Variants in PRKCH observed in about 807,000 individuals in gnomAD.
PRKCH encodes the protein protein kinase C eta.
PRKCH carries 28 observed loss-of-function variants against 82.5 expected under a neutral mutation model. The observed-to-expected ratio is 0.34, with a 90% confidence interval of 0.25 to 0.47. The LOEUF (loss-of-function observed/expected upper bound fraction) is 0.47. Ranked by LOEUF, PRKCH falls within the 20% of genes least tolerant of loss-of-function variation. The pLI, the probability that PRKCH is intolerant of heterozygous loss-of-function variation, is 1.00. For missense variants in PRKCH, 705 were observed against 881.8 expected, an observed-to-expected ratio of 0.80 and a Z score of 2.54; for synonymous variants, 322 against 327.4, an observed-to-expected ratio of 0.98 and a Z score of 0.18.
chr14:61,305,120 T>A (rs2045477018), intron 1 of PRKCH: 1 of 152,106 alleles, frequency 6.6e-6, no homozygotes, highest in African/African-American at 2.4e-5. Context: ...AATTAGAGAA[T>A]TTTTTTAAAA....
intron 10 of PRKCH, among the ~76,000 whole-genome samples, chr14:61,508,618 G>A (rs1381764143): frequency 1.3e-5 from 2 of 152,136 alleles, no homozygotes; most frequent in Admixed American, 1.3e-4. Flanking sequence ...AAAGCAGTCA[G>A]TCTACCCCTC....
At position 61,529,093 on chromosome 14, in the gene PRKCH, T is replaced by C; in HGVS notation, c.1452T>C (p.Asn484=). The C allele has an allele frequency of 1.9e-6, 3 of 1,612,904 alleles. No homozygotes were observed. The highest frequency in any genetic ancestry group is 2.2e-5 in the East Asian group (1 of 44,802). Residue 484 remains asparagine, a synonymous_variant, in exon 11 of 14, where the codon AAT becomes AAC. Coordinates refer to ENST00000332981, the MANE Select transcript of PRKCH (RefSeq NM_006255.5). ...CTTTCAGAGATCTGAAACTGGACAA[T>C]GTCCTGTTGGACCACGAGGGTCACT... The part of the protein sequence containing the change: ...GIIYRDLKLD[N]VLLDHEGHCK...
chr14:61,280,134 G>T lies in PRKCH; in HGVS notation c.-19+92466G>T. Reference sequence around the variant, plus strand: ...CGTCCTGGTCCTGGTAGCGAATGTAGACGACCAGCATGACAAAGCCGGTGA... The same window carrying T: ...CGTCCTGGTCCTGGTAGCGAATGTATACGACCAGCATGACAAAGCCGGTGA... On this transcript the variant is annotated intron_variant, in intron 1 of 3. Transcript: ENST00000555185. The surrounding 1 kb of genome is among the most constrained non-coding windows in gnomAD (Gnocchi z 5.0). 6.2e-7 allele frequency: 1 copy of T among 1,613,938 alleles called. No individual in the cohort carries two copies. The highest frequency in any genetic ancestry group is 8.5e-7 in the Non-Finnish European group (1 of 1,179,900).
At position 61,525,976 on chromosome 14, in the gene PRKCH, G is replaced by A. The variant is rs770203794; in HGVS notation, c.1434-3099G>A. 3.9e-5 allele frequency among the ~76,000 whole-genome samples: 6 copies of A among 152,226 alleles called. No homozygotes were observed. The South Asian group carries it at 6.2e-4, about 16-fold the overall frequency. The stretch of plus-strand genomic sequence containing the variant: ...CCAGGCGCCTCTCTACTGTGTGCCC[G>A]CAGTCCCAGAGGAGCCAGGCACCCA... On this transcript the variant is annotated intron_variant, in intron 10 of 13. Coordinates refer to ENST00000332981, the MANE Select transcript of PRKCH (RefSeq NM_006255.5).
At chr14:61,432,323 A>G (rs1041012070) in intron 2 of PRKCH, among the ~76,000 whole-genome samples, 2 of 152,110 alleles carry the variant, frequency 1.3e-5, no homozygotes, top group Admixed American at 1.3e-4. Context: ...TTACATGTTT[A>G]TAATTTTTTA....
chr14:61,432,043 G>A (rs1355852043), intron 2 of PRKCH, among the ~76,000 whole-genome samples: 1 of 145,300 alleles, frequency 6.9e-6, no homozygotes, highest in Admixed American at 6.9e-5. Flanking sequence ...ACCTCTATTG[G>A]TTTGGAAGAT....
At chr14:61,510,070 C>T (rs1887311090) in intron 10 of PRKCH, among the ~76,000 whole-genome samples, 3 of 152,014 alleles carry the variant, frequency 2.0e-5, no homozygotes, top group Admixed American at 6.6e-5. Context: ...GGGACAGAGG[C>T]GTGGAGGCAG....
At chr14:61,539,523 G>A (rs1200181148) in intron 12 of PRKCH, among the ~76,000 whole-genome samples, 1 of 152,074 alleles carries the variant, frequency 6.6e-6, no homozygotes, top group Non-Finnish European at 1.5e-5. Context: ...GCCAGGTAAG[G>A]CACTGACCCA....
intron 9 of PRKCH, among the ~76,000 whole-genome samples, chr14:61,465,491 T>C (rs1425591778): frequency 1.3e-5 from 2 of 152,236 alleles, no homozygotes; most frequent in South Asian, 2.1e-4. Flanking sequence ...GTCCTTTCTT[T>C]GTTGTGTGTC....
chr14:61,370,487 G>A (rs1465830664), intron 1 of PRKCH, among the ~76,000 whole-genome samples: 1 of 151,934 alleles, frequency 6.6e-6, no homozygotes, highest in Non-Finnish European at 1.5e-5. Flanking sequence ...GGTGGGAGAG[G>A]TTTAGCACTG....
rs535020831 is a variant in PRKCH at position 61,409,027 on chromosome 14, G to A, written c.427+17739G>A. Among the ~76,000 whole-genome samples the A allele has an allele frequency of 2.0e-5, 3 of 152,312 alleles. No individual in the cohort carries two copies. The South Asian group carries it at 6.2e-4, about 32-fold the overall frequency. ...GCTTTGTCAGTTTCCTGTTCGCTAG[G>A]CCACAGGGAATATGTTGGCTCTTTC... On this transcript the variant is annotated intron_variant, in intron 2 of 13. Transcript: ENST00000332981.
At chr14:61,433,043 C>CA (rs34477992) in intron 2 of PRKCH, among the ~76,000 whole-genome samples, 24 of 110,948 alleles carry the variant, frequency 2.2e-4, no homozygotes, top group East Asian at 7.8e-4. Flanking sequence ...CCAACCTCTT[C>CA]AAAAAAAAAA....
At chr14:61,257,231 A>C (rs1268452188) in intron 1 of PRKCH, among the ~76,000 whole-genome samples, 1 of 152,238 alleles carries the variant, frequency 6.6e-6, no homozygotes, top group Non-Finnish European at 1.5e-5. Context: ...ATTCATGTAA[A>C]AAAACACTGA....
chr14:61,487,048 A>G (rs1329352013), intron 10 of PRKCH, among the ~76,000 whole-genome samples: 1 of 152,244 alleles, frequency 6.6e-6, no homozygotes, highest in Non-Finnish European at 1.5e-5. Context: ...CAAAATAGGA[A>G]GAGAACAAGT....
At chr14:61,394,442 G>A (rs1295962635) in intron 2 of PRKCH, among the ~76,000 whole-genome samples, 3 of 152,140 alleles carry the variant, frequency 2.0e-5, no homozygotes, top group Non-Finnish European at 4.4e-5. Context: ...CATCATGCAC[G>A]TAGAACATGG....
At chr14:61,217,813 C>A (rs146460458) in intron 1 of PRKCH, among the ~76,000 whole-genome samples, 4 of 152,328 alleles carry the variant, frequency 2.6e-5, no homozygotes, top group Non-Finnish European at 4.4e-5. Flanking sequence ...GGATATTTGA[C>A]AAGCAACTTC....
At chr14:61,394,481 G>C (rs1417040332) in intron 2 of PRKCH, among the ~76,000 whole-genome samples, 1 of 152,202 alleles carries the variant, frequency 6.6e-6, no homozygotes, top group African/African-American at 2.4e-5. Flanking sequence ...AAACACAACA[G>C]TGAGAAAGAG....
chr14:61,225,348 C>A (rs2044688990), intron 1 of PRKCH, among the ~76,000 whole-genome samples: 1 of 152,214 alleles, frequency 6.6e-6, no homozygotes, highest in Admixed American at 6.5e-5. Context: ...ATTCATTTTG[C>A]CTCCCAGAGT....
At chr14:61,200,568 TCTC>T (rs1361926864) in intron 1 of PRKCH, among the ~76,000 whole-genome samples, 5 of 152,174 alleles carry the variant, frequency 3.3e-5, no homozygotes, top group African/African-American at 1.2e-4. Context: ...GTCTCTTTCT[TCTC>T]CTCAAAATTG....
Sources: gnomAD v4.1 joint callset for allele counts (sites outside exome capture counted in the v4.1 genomes callset) on GRCh38, gnomAD v4.1.1 for gene constraint, Gnocchi (gnomAD v3.1) non-coding constraint, MANE v1.5 for transcripts, NCBI Gene and HGNC (gene_info 2026-07-23, HGNC 2026-07-21) for gene names.